NRXN3: variants seen among roughly 807,000 people sequenced by gnomAD.
NRXN3 encodes neurexin 3.
In NRXN3, 32 loss-of-function variants were observed where a neutral mutation model predicts 137.6. The ratio of observed to expected loss-of-function variants is 0.23; its 90% CI spans 0.18 to 0.31. The LOEUF (loss-of-function observed/expected upper bound fraction) is 0.31. Among genes scored for constraint, NRXN3 ranks in the 10% least tolerant of loss-of-function variants. NRXN3 has a pLI of 1.00. For missense variants in NRXN3, 1,574 were observed against 2,062.5 expected, an observed-to-expected ratio of 0.76 and a Z score of 4.59; for synonymous variants, 798 against 784.5, an observed-to-expected ratio of 1.02 and a Z score of -0.29.
At chr14:79,321,379 AC>A (rs2089990758) in intron 15 of NRXN3, among the ~76,000 whole-genome samples, 1 of 152,278 alleles carries the variant, frequency 6.6e-6, no homozygotes, top group South Asian at 2.1e-4. Context: ...ATCAGTCCTA[AC>A]TAAAAACCAT....
At chr14:79,470,283 T>A (rs1166314965) in intron 16 of NRXN3, among the ~76,000 whole-genome samples, 1 of 152,142 alleles carries the variant, frequency 6.6e-6, no homozygotes, top group Non-Finnish European at 1.5e-5. Context: ...TATTTGAGAT[T>A]TGGTAATTTA....
At chr14:79,189,846 T>C (rs2064047469) in intron 15 of NRXN3, among the ~76,000 whole-genome samples, 1 of 152,198 alleles carries the variant, frequency 6.6e-6, no homozygotes, top group African/African-American at 2.4e-5. Context: ...TAAAAACATA[T>C]TTATCGATTC....
At chr14:79,289,005 G>A (rs2082727741) in intron 15 of NRXN3, among the ~76,000 whole-genome samples, 1 of 152,058 alleles carries the variant, frequency 6.6e-6, no homozygotes, top group African/African-American at 2.4e-5. Flanking sequence ...AAGAAGCAAA[G>A]GCACAGGAAG....
At chr14:79,293,292 G>A (rs937504403) in intron 15 of NRXN3, among the ~76,000 whole-genome samples, 2 of 152,172 alleles carry the variant, frequency 1.3e-5, no homozygotes, top group Non-Finnish European at 2.9e-5. Flanking sequence ...CCTGAGGAAT[G>A]ATCATGCCCC....
At position 79,585,683 on chromosome 14, in the gene NRXN3, T is replaced by TAAAAAAA. The variant is rs1264605001; in HGVS notation, c.3445-78091_3445-78085dup. 7.9e-4 allele frequency among the ~76,000 whole-genome samples: 60 copies of TAAAAAAA among 75,902 alleles called. 1 individual carries two copies. Among genetic ancestry groups the TAAAAAAA allele is most frequent in the Non-Finnish European group, 1.0e-3 (43 of 42,444 alleles). 49.8% of individuals were successfully genotyped at this position (75,902 alleles called of 152,430 possible). On this transcript the variant is annotated intron_variant, in intron 16 of 20. Transcript: ENST00000335750. ...CTGGCGACAGAGCGAGACTCCATCT[T>TAAAAAAA]AAAAAAAAAACAAAAAAAAAAAAAA...
At chr14:79,477,201 A>G (rs1210012997) in intron 16 of NRXN3, among the ~76,000 whole-genome samples, 1 of 152,122 alleles carries the variant, frequency 6.6e-6, no homozygotes, top group African/African-American at 2.4e-5. Flanking sequence ...TGAAGATACC[A>G]GCATGAGTGT....
intron 11 of NRXN3, among the ~76,000 whole-genome samples, chr14:78,957,886 C>T (rs2152968548): frequency 6.6e-6 from 1 of 152,308 alleles, no homozygotes; most frequent in Admixed American, 6.5e-5. Context: ...CTGCACTACA[C>T]ACCATTTTAC....
In NRXN3 at chr14:79,035,576, A is replaced by T. The variant is rs577417341; in HGVS notation, c.3262+47435A>T. 3.2e-4 allele frequency among the ~76,000 whole-genome samples: 49 copies of T among 152,216 alleles called. 1 individual carries two copies. In the South Asian group the frequency reaches 8.3e-3, roughly 26 times the overall value. ...AATCTCAGAAACCCAAAGGGTTTAGATCCATAACTGTACCATATTTCCTTT... is the reference window on the plus strand; with the variant it reads ...AATCTCAGAAACCCAAAGGGTTTAGTTCCATAACTGTACCATATTTCCTTT... On this transcript the variant is annotated intron_variant, in intron 15 of 20. Transcript: ENST00000335750.
intron 15 of NRXN3, among the ~76,000 whole-genome samples, chr14:79,104,946 A>G (rs978653530): frequency 6.6e-6 from 1 of 151,898 alleles, no homozygotes; most frequent in South Asian, 2.1e-4. Context: ...ACACTCATTC[A>G]TTGTATGGAA....
chr14:79,845,362 G>A (rs767517176), intron 20 of NRXN3, among the ~76,000 whole-genome samples: 3 of 152,198 alleles, frequency 2.0e-5, no homozygotes, highest in Non-Finnish European at 2.9e-5. Flanking sequence ...CTAGTTTTTG[G>A]CCTATTTCAG....
chr14:78,872,594 T>G (rs1385602277), intron 10 of NRXN3, among the ~76,000 whole-genome samples: 1 of 152,136 alleles, frequency 6.6e-6, no homozygotes, highest in Non-Finnish European at 1.5e-5. Context: ...TAACAAACCA[T>G]TAGAAACTGT....
chr14:79,094,979 A>AGAGAGAGAGAGAGAGAGAGAGTGTGT (rs553957969), intron 15 of NRXN3, among the ~76,000 whole-genome samples: 1 of 115,880 alleles, frequency 8.6e-6, no homozygotes, highest in Non-Finnish European at 1.8e-5. Flanking sequence ...AGAGAGAGAG[A>AGAGAGAGAGAGAGAGAGAGAGTGTGT]GTGTGTGTGT....
chr14:78,346,838 A>AGGGAGC (rs1360166907), intron 4 of NRXN3, among the ~76,000 whole-genome samples: 1 of 152,174 alleles, frequency 6.6e-6, no homozygotes, highest in East Asian at 1.9e-4. Context: ...ACCCAGTGGG[A>AGGGAGC]GGGAGCAGGA....
intron 16 of NRXN3, among the ~76,000 whole-genome samples, chr14:79,533,877 A>G (rs566648931): frequency 6.6e-6 from 1 of 152,342 alleles, no homozygotes; most frequent in East Asian, 1.9e-4. Flanking sequence ...GAAACAGCTC[A>G]AGTAAAAACG....
At chr14:78,838,188 T>C (rs2099002270) in intron 10 of NRXN3, among the ~76,000 whole-genome samples, 2 of 152,196 alleles carry the variant, frequency 1.3e-5, no homozygotes, top group Admixed American at 1.3e-4. Flanking sequence ...TAGCAAATGT[T>C]CTTCCATTTA....
intron 6 of NRXN3, among the ~76,000 whole-genome samples, chr14:78,701,737 TG>T (rs1485561571): frequency 6.6e-6 from 1 of 152,184 alleles, no homozygotes; most frequent in Non-Finnish European, 1.5e-5. Context: ...CTGTCAACAT[TG>T]TACTATTGAT....
chr14:79,046,084 T>A (rs191420122), intron 15 of NRXN3, among the ~76,000 whole-genome samples: 7 of 152,250 alleles, frequency 4.6e-5, no homozygotes, highest in Admixed American at 6.5e-5. Context: ...AAACAATAAA[T>A]AAATAATAAA....
At chr14:79,793,475 C>T (rs2099151782) in intron 19 of NRXN3, among the ~76,000 whole-genome samples, 1 of 152,112 alleles carries the variant, frequency 6.6e-6, no homozygotes, top group African/African-American at 2.4e-5. Context: ...GAGGGAAGCA[C>T]GAGGGACCTG....
At chr14:78,324,168 G>A (rs2079749464) in intron 4 of NRXN3, among the ~76,000 whole-genome samples, 1 of 152,068 alleles carries the variant, frequency 6.6e-6, no homozygotes, top group Admixed American at 6.5e-5. Context: ...CAACCTCTTG[G>A]AGCCTGTCTT....
Sources: allele counts gnomAD v4.1 joint callset (sites outside exome capture counted in the v4.1 genomes callset), GRCh38; gene constraint gnomAD v4.1.1; transcripts MANE v1.5; gene names NCBI Gene and HGNC (gene_info 2026-07-23, HGNC 2026-07-21).